Variants in DNAH11 observed in about 807,000 individuals in gnomAD.
The protein encoded by DNAH11 is dynein axonemal heavy chain 11, also known as axonemal beta dynein heavy chain 11.
In DNAH11, 442 loss-of-function variants were observed where a neutral mutation model predicts 526.0. That is an observed-to-expected ratio of 0.84 (90% confidence interval 0.78 to 0.91). DNAH11 has a LOEUF of 0.91. Among genes scored for constraint, DNAH11 ranks in the 40% least tolerant of loss-of-function variants. The pLI, the probability that DNAH11 is intolerant of heterozygous loss-of-function variation, is 0.00. For synonymous variants in DNAH11, 2,461 were observed against 1,935.9 expected (o/e 1.27, Z -7.12); for missense variants, 6,989 against 5,448.7 (o/e 1.28, Z -8.90).
At chr7:21,623,589 G>T (rs1786185687) in intron 25 of DNAH11, among the ~76,000 whole-genome samples, 1 of 152,014 alleles carries the variant, frequency 6.6e-6, no homozygotes, top group Non-Finnish European at 1.5e-5. Flanking sequence ...TGATAGACTG[G>T]ATTAAGCAAA....
At chr7:21,841,742 A>T (rs1782211870) in intron 65 of DNAH11, among the ~76,000 whole-genome samples, 1 of 152,210 alleles carries the variant, frequency 6.6e-6, no homozygotes, top group South Asian at 2.1e-4. Context: ...AAAAGGAATG[A>T]ATGAGTGAAT....
intron 39 of DNAH11, among the ~76,000 whole-genome samples, chr7:21,707,219 T>G (rs1784303381): frequency 6.6e-6 from 1 of 152,202 alleles, no homozygotes; most frequent in Non-Finnish European, 1.5e-5. Context: ...TGGGCCCTTG[T>G]TGGAACTGTA....
chr7:21,667,233 A>G (rs1312343419), intron 30 of DNAH11, among the ~76,000 whole-genome samples: 1 of 152,178 alleles, frequency 6.6e-6, no homozygotes, highest in African/African-American at 2.4e-5. Flanking sequence ...CAAAGCCCTG[A>G]GAAATGCTTT....
intron 40 of DNAH11, among the ~76,000 whole-genome samples, chr7:21,708,914 G>A (rs1488749973): frequency 2.6e-5 from 4 of 152,156 alleles, no homozygotes; most frequent in Non-Finnish European, 5.9e-5. Flanking sequence ...CAGTCAGAAA[G>A]ACTATTATGA....
chr7:21,822,611 A>G (rs1023324949), intron 65 of DNAH11, among the ~76,000 whole-genome samples: 1 of 152,196 alleles, frequency 6.6e-6, no homozygotes, highest in Admixed American at 6.5e-5. Context: ...ATACTTTTGC[A>G]ATATACTGAT....
intron 23 of DNAH11, 47 bp from the exon 24 acceptor site, chr7:21,619,053 G>T (rs753033814): frequency 2.5e-6 from 4 of 1,609,670 alleles, no homozygotes; most frequent in Non-Finnish European, 3.4e-6. Context: ...AAAAGGAACC[G>T]TTCATATATG....
chr7:21,790,712 G>C lies in DNAH11; in HGVS notation c.10026+1370G>C, dbSNP rs544815340. On this transcript the variant is annotated intron_variant, in intron 61 of 81. Transcript: ENST00000409508. Reference sequence around the variant, plus strand: ...ATGGGAAAGGTGTTCCTGACAGAAGGCAAGGAAAAGAGGGAAGGAGCAGTT... The same window carrying C: ...ATGGGAAAGGTGTTCCTGACAGAAGCCAAGGAAAAGAGGGAAGGAGCAGTT... Among the ~76,000 whole-genome samples the C allele has an allele frequency of 2.0e-5, 3 of 152,222 alleles. No individual in the cohort carries two copies. In the East Asian group the frequency reaches 5.8e-4, roughly 30 times the overall value.
At chr7:21,725,335 AGTT>A (rs1268602520) in intron 44 of DNAH11, among the ~76,000 whole-genome samples, 1 of 152,202 alleles carries the variant, frequency 6.6e-6, no homozygotes, top group African/African-American at 2.4e-5. Context: ...TAGAGTTGCC[AGTT>A]GTTTACTTTT....
intron 67 of DNAH11, among the ~76,000 whole-genome samples, chr7:21,852,947 A>G (rs972514885): frequency 7.2e-5 from 11 of 152,342 alleles, no homozygotes; most frequent in African/African-American, 2.6e-4. Context: ...AAGCCTTAGC[A>G]TCCGGCTCTT....
At chr7:21,886,091 G>A (rs1003272778) in intron 76 of DNAH11, among the ~76,000 whole-genome samples, 3 of 152,102 alleles carry the variant, frequency 2.0e-5, no homozygotes, top group South Asian at 2.1e-4. Context: ...CCAGTTGGGC[G>A]AGACACCAAC....
chr7:21,720,577 T>C, intron 43 of DNAH11, 148 bp from the exon 44 acceptor site: 2 of 755,804 alleles, frequency 2.6e-6, no homozygotes, highest in Non-Finnish European at 2.0e-6. Context: ...ACACCCAAGG[T>C]GGTAATTTTT....
intron 56 of DNAH11, among the ~76,000 whole-genome samples, chr7:21,776,751 G>A (rs1216163496): frequency 6.6e-6 from 1 of 152,058 alleles, no homozygotes; most frequent in African/African-American, 2.4e-5. Context: ...GATTCTTTTT[G>A]CTTTATTTCT....
chr7:21,607,230 A>G (rs1347160926), intron 20 of DNAH11, among the ~76,000 whole-genome samples: 2 of 152,142 alleles, frequency 1.3e-5, no homozygotes, highest in Non-Finnish European at 2.9e-5. Flanking sequence ...AGCATCTAGC[A>G]CGGGAGAAAG....
At chr7:21,725,544 A>G (rs1785064223) in intron 44 of DNAH11, among the ~76,000 whole-genome samples, 1 of 152,196 alleles carries the variant, frequency 6.6e-6, no homozygotes, top group Non-Finnish European at 1.5e-5. Flanking sequence ...ACATTGGTAG[A>G]AGTGAACACC....
rs1789808097 is a variant in DNAH11, at chr7:21,816,663, A to G, written c.10529A>G (p.Tyr3510Cys). 2 of 1,613,662 alleles carry G rather than the reference A, an allele frequency of 1.2e-6. No individual in the cohort carries two copies. The highest frequency in any genetic ancestry group is 2.2e-5 in the East Asian group (1 of 44,864). The change falls in exon 64 of 82, where the codon TAT becomes TGT. Residue 3510 changes from tyrosine (Y) to cysteine (C), a missense_variant. Tyr to Cys is a radical substitution (Grantham distance 194, BLOSUM62 -2). Coordinates refer to ENST00000409508, the MANE Select transcript of DNAH11 (RefSeq NM_001277115.2). ...QQGIKWIKNKYGMDLKVTHLG... is the reference protein window; with the variant it reads ...QQGIKWIKNKCGMDLKVTHLG... ...GGAATTAAGTGGATCAAGAATAAGT[A>G]TGGAATGGACCTGAAAGTCACACAT... is the stretch of plus-strand genomic sequence containing the variant.
chr7:21,619,886 TC>T, intron 24 of DNAH11, 69 bp from the exon 25 acceptor site: 1 of 1,437,512 alleles, frequency 7.0e-7, no homozygotes, highest in Non-Finnish European at 9.4e-7. Flanking sequence ...AAAAATTAAT[TC>T]CAGATAATAG....
At chr7:21,838,261 A>G (rs1744660097) in intron 65 of DNAH11, among the ~76,000 whole-genome samples, 1 of 152,250 alleles carries the variant, frequency 6.6e-6, no homozygotes, top group Admixed American at 6.5e-5. Flanking sequence ...GCTATGCTCA[A>G]AAGACAAGCG....
chr7:21,581,807 G>T, intron 8 of DNAH11, 98 bp from the exon 9 acceptor site: 1 of 722,766 alleles, frequency 1.4e-6, no homozygotes. Context: ...GACAGAGAGC[G>T]AGCGAGAGAG....
chr7:21,816,666 G>A lies in DNAH11; in HGVS notation c.10532G>A (p.Gly3511Glu). The A allele has an allele frequency of 6.2e-7, 1 of 1,613,626 alleles. No individual in the cohort carries two copies. The highest frequency in any genetic ancestry group is 8.5e-7 in the Non-Finnish European group (1 of 1,179,718). The change falls in exon 64 of 82, where the codon GGA becomes GAA. Residue 3511 changes from glycine (G) to glutamate (E), a missense_variant. By Grantham distance (98) the Gly-to-Glu change is moderately conservative (BLOSUM62 -2). Transcript: ENST00000409508. ...QGIKWIKNKY[G>E]MDLKVTHLGQ... is the part of the protein sequence containing the mutation. ...ATTAAGTGGATCAAGAATAAGTATG[G>A]AATGGACCTGAAAGTCACACATTTG...
Sources: gnomAD v4.1 joint callset for allele counts (sites outside exome capture counted in the v4.1 genomes callset) on GRCh38, gnomAD v4.1.1 for gene constraint, MANE v1.5 for transcripts, NCBI Gene and HGNC (gene_info 2026-07-23, HGNC 2026-07-21) for gene names.